SFMBT2: variants seen among roughly 807,000 people sequenced by gnomAD.
SFMBT2 encodes scm-like with four MBT domains protein 2.
In SFMBT2, 38 loss-of-function variants were observed where a neutral mutation model predicts 110.1. The observed-to-expected ratio is 0.35, with a 90% CI of 0.27 to 0.45. The LOEUF (loss-of-function observed/expected upper bound fraction) is 0.45. Among genes scored for constraint, SFMBT2 ranks in the 20% least tolerant of loss-of-function variants. The probability of loss-of-function intolerance (pLI) is 1.00; values close to 1 mark genes in which losing one functional copy is unlikely to be tolerated. For synonymous variants in SFMBT2, 425 were observed against 425.4 expected (o/e 1.00, Z 0.01); for missense variants, 1,011 against 1,094.9 (o/e 0.92, Z 1.08).
chr10:7,320,233 G>GA (rs1843144559), intron 4 of SFMBT2, among the ~76,000 whole-genome samples: 1 of 152,164 alleles, frequency 6.6e-6, no homozygotes, highest in African/African-American at 2.4e-5. Flanking sequence ...CCCATCAAAC[G>GA]AGACGCCTGA....
chr10:7,378,081 G>A (rs1478715301), intron 2 of SFMBT2, among the ~76,000 whole-genome samples: 2 of 149,076 alleles, frequency 1.3e-5, no homozygotes, highest in Admixed American at 1.3e-4. Flanking sequence ...GCATGTGTAT[G>A]TGGATGGGTG....
chr10:7,297,531 G>A (rs1484596780), intron 4 of SFMBT2, among the ~76,000 whole-genome samples: 1 of 152,110 alleles, frequency 6.6e-6, no homozygotes, highest in African/African-American at 2.4e-5. Flanking sequence ...AGGAGGGAAA[G>A]GGCGAATGGG....
intron 2 of SFMBT2, among the ~76,000 whole-genome samples, chr10:7,376,575 T>C (rs1213845260): frequency 3.3e-5 from 5 of 150,570 alleles, no homozygotes; most frequent in Non-Finnish European, 7.4e-5. Context: ...GGTGGGCACC[T>C]GTAATCCCAG....
chr10:7,308,876 T>A (rs1027759401), intron 4 of SFMBT2, among the ~76,000 whole-genome samples: 5 of 152,094 alleles, frequency 3.3e-5, no homozygotes, highest in African/African-American at 1.2e-4. Flanking sequence ...TAATGCCGGA[T>A]CAATAAAGAA....
At chr10:7,303,262 G>A (rs906881621) in intron 4 of SFMBT2, among the ~76,000 whole-genome samples, 2 of 152,200 alleles carry the variant, frequency 1.3e-5, no homozygotes, top group Non-Finnish European at 2.9e-5. Flanking sequence ...ATGAAATGTA[G>A]CAGATATTAA....
chr10:7,344,188 T>C (rs1002805146), intron 4 of SFMBT2, among the ~76,000 whole-genome samples: 1 of 152,150 alleles, frequency 6.6e-6, no homozygotes. Context: ...ACTGAAGTAT[T>C]AGGCATTTTT....
At chr10:7,225,633 T>TC (rs774965256) in intron 10 of SFMBT2, among the ~76,000 whole-genome samples, 12 of 152,108 alleles carry the variant, frequency 7.9e-5, no homozygotes, top group Non-Finnish European at 1.5e-4. Flanking sequence ...GGTGATTTAC[T>TC]CTACCATTCA....
intron 4 of SFMBT2, among the ~76,000 whole-genome samples, chr10:7,365,110 C>T (rs1844849188): frequency 6.6e-6 from 1 of 152,174 alleles, no homozygotes; most frequent in Non-Finnish European, 1.5e-5. Flanking sequence ...AAAGCATGAG[C>T]ATGCACTGTG....
chr10:7,204,854 C>T (rs2131610494), intron 12 of SFMBT2: 1 of 792,294 alleles, frequency 1.3e-6, no homozygotes, highest in South Asian at 5.7e-5. Flanking sequence ...GCCTGGGCAA[C>T]AAGAGCGAAA....
chr10:7,372,501 A>G (rs1229231308), intron 2 of SFMBT2, among the ~76,000 whole-genome samples: 2 of 152,228 alleles, frequency 1.3e-5, no homozygotes, highest in African/African-American at 4.8e-5. Context: ...CCACCCAGGG[A>G]TTGACGCCCT....
At chr10:7,384,211 CAAAAAAAAAAAAAA>C (rs59239303) in intron 1 of SFMBT2, among the ~76,000 whole-genome samples, 8 of 27,980 alleles carry the variant, frequency 2.9e-4, no homozygotes, top group South Asian at 3.7e-3. Context: ...AACTCCATCT[CAAAAAAAAAAAAAA>C]AAAAAAAAAA....
At chr10:7,370,861 G>A (rs1845043463) in intron 2 of SFMBT2, 2 of 959,004 alleles carry the variant, frequency 2.1e-6, no homozygotes, top group African/African-American at 1.8e-5. Context: ...GAGAAAATGA[G>A]GCCCCAAAGA....
chr10:7,410,382 A>G (rs541364383), intron 1 of SFMBT2, among the ~76,000 whole-genome samples: 1 of 152,360 alleles, frequency 6.6e-6, no homozygotes, highest in African/African-American at 2.4e-5. Context: ...GGGAGACCCC[A>G]GCGCGGAGGA....
intron 16 of SFMBT2, among the ~76,000 whole-genome samples, chr10:7,181,877 G>A (rs1838255029): frequency 6.6e-6 from 1 of 152,110 alleles, no homozygotes; most frequent in African/African-American, 2.4e-5. Context: ...CAACTGGCTG[G>A]GAATTAACAG....
intron 8 of SFMBT2, among the ~76,000 whole-genome samples, chr10:7,246,589 G>A (rs1840620051): frequency 6.6e-6 from 1 of 151,618 alleles, no homozygotes; most frequent in South Asian, 2.1e-4. Context: ...CGTGGTGGCA[G>A]GCGCCTATAA....
intron 6 of SFMBT2, among the ~76,000 whole-genome samples, chr10:7,278,775 G>C (rs1319636666): frequency 6.6e-6 from 1 of 152,102 alleles, no homozygotes; most frequent in Non-Finnish European, 1.5e-5. Context: ...GTCTCTGAAT[G>C]GGGGAGGGAT....
At chr10:7,277,369 T>C (rs1417384576) in intron 6 of SFMBT2, 1 of 240,582 alleles carries the variant, frequency 4.2e-6, no homozygotes, top group African/African-American at 2.3e-5. Context: ...GAACTTATTA[T>C]CTGATACATT....
chr10:7,304,535 G>A (rs1267225670), intron 4 of SFMBT2, among the ~76,000 whole-genome samples: 1 of 152,156 alleles, frequency 6.6e-6, no homozygotes, highest in Non-Finnish European at 1.5e-5. Flanking sequence ...AACGGGTTAT[G>A]TTCCAAGGGA....
intron 2 of SFMBT2, among the ~76,000 whole-genome samples, chr10:7,379,124 CA>C (rs1392402394): frequency 6.6e-6 from 1 of 152,076 alleles, no homozygotes; most frequent in Non-Finnish European, 1.5e-5. Context: ...CTGTGCCTGC[CA>C]CACAGTCTGA....
Sources: allele counts gnomAD v4.1 joint callset (sites outside exome capture counted in the v4.1 genomes callset), GRCh38; gene constraint gnomAD v4.1.1; transcripts MANE v1.5; gene names NCBI Gene and HGNC (gene_info 2026-07-23, HGNC 2026-07-21).